ERC1: variants seen among roughly 807,000 people sequenced by gnomAD.
ERC1 encodes the protein ELKS/RAB6-interacting/CAST family member 1.
Under a neutral mutation model 132.0 loss-of-function variants are expected in ERC1, and 56 were observed. The observed-to-expected ratio is 0.42, with a 90% CI of 0.34 to 0.53. The LOEUF (loss-of-function observed/expected upper bound fraction) is 0.53, where lower values mean the gene tolerates loss of function less well. ERC1 is among the 20% of genes least tolerant of loss of function. The pLI, the probability that ERC1 is intolerant of heterozygous loss-of-function variation, is 0.03. For synonymous variants in ERC1, 478 were observed against 476.1 expected, an observed-to-expected ratio of 1.00 and a Z score of -0.05; for missense variants, 1,202 against 1,349.9, an observed-to-expected ratio of 0.89 and a Z score of 1.72.
chr12:1,337,308 C>CT (rs915960104), intron 15 of ERC1, among the ~76,000 whole-genome samples: 1 of 148,574 alleles, frequency 6.7e-6, no homozygotes, highest in African/African-American at 2.5e-5. Context: ...TAATGCTCTT[C>CT]TTTTTCTTTT....
chr12:1,112,398 G>A, intron 6 of ERC1, 100 bp downstream of exon 6: 1 of 809,230 alleles, frequency 1.2e-6, no homozygotes, highest in Non-Finnish European at 2.1e-6. Flanking sequence ...ATTCTCTATG[G>A]TTGGCAGCTT....
chr12:1,049,225 A>G (rs893736357), intron 2 of ERC1, among the ~76,000 whole-genome samples: 13 of 152,246 alleles, frequency 8.5e-5, no homozygotes, highest in African/African-American at 2.9e-4. Flanking sequence ...TTCTGTCCTC[A>G]GAAGTCACTG....
chr12:1,207,972 A>AC (rs893511816), intron 12 of ERC1, among the ~76,000 whole-genome samples: 48 of 151,764 alleles, frequency 3.2e-4, no homozygotes, highest in Admixed American at 2.0e-4. Context: ...TCTGGCACCC[A>AC]CCCCCCCATC....
At chr12:1,238,022 T>G (rs2075541135) in intron 13 of ERC1, among the ~76,000 whole-genome samples, 1 of 152,232 alleles carries the variant, frequency 6.6e-6, no homozygotes, top group Non-Finnish European at 1.5e-5. Context: ...TTTATGTAAC[T>G]TTTACTGATT....
chr12:1,126,970 G>A (rs1367912007), intron 7 of ERC1, among the ~76,000 whole-genome samples: 6 of 121,516 alleles, frequency 4.9e-5, no homozygotes, highest in Non-Finnish European at 1.0e-4. Flanking sequence ...CCTGGCGACA[G>A]AGTGAGATTC....
At position 1,494,549 on chromosome 12, in the gene ERC1, C is replaced by G. The variant is rs1466512682; in HGVS notation, c.*4319C>G. 1 of 231,158 alleles carries G rather than the reference C, an allele frequency of 4.3e-6. No individual in the cohort carries two copies. Among genetic ancestry groups the G allele is most frequent in the Non-Finnish European group, 8.6e-6 (1 of 116,826 alleles). 14.3% of individuals were successfully genotyped at this position (231,158 alleles called of 1,614,324 possible). On this transcript the variant is annotated 3_prime_UTR_variant, in exon 19 of 19. Transcript: ENST00000360905. ...AAACCGTCTCCAGACTTTTTAGTGT[C>G]AAAAATGTAACCAACTGTCTCCTGA...
At chr12:1,222,625 C>A (rs1356082679) in intron 12 of ERC1, among the ~76,000 whole-genome samples, 1 of 152,134 alleles carries the variant, frequency 6.6e-6, no homozygotes, top group East Asian at 1.9e-4. Context: ...TAAGCCCTAG[C>A]TTAAGCTTCT....
intron 3 of ERC1, among the ~76,000 whole-genome samples, chr12:1,103,625 C>A (rs1435985000): frequency 2.0e-5 from 3 of 152,056 alleles, no homozygotes; most frequent in South Asian, 2.1e-4. Context: ...TTCCTGACTG[C>A]GGCTTGAGAG....
Position 994,066 on chromosome 12 carries a change from C to CAAAAAAAAAA in ERC1, c.-157+2764_-157+2773dup, listed in dbSNP as rs72073964. On this transcript the variant is annotated intron_variant, in intron 1 of 18. Coordinates refer to ENST00000360905, the MANE Select transcript of ERC1 (RefSeq NM_178040.4). ...CCTGAGTCACGGCAAAACTCCGTCT[C>CAAAAAAAAAA]AAAAAAAAAAAAAAAAAAAAAAAAA... 1.7e-3 allele frequency among the ~76,000 whole-genome samples: 109 copies of CAAAAAAAAAA among 64,248 alleles called. 2 individuals are homozygous for CAAAAAAAAAA. The highest frequency in any genetic ancestry group is 3.1e-3 in the African/African-American group (62 of 20,240). The allele number at this position is 64,248 out of a possible 152,430, so 42.1% of individuals were successfully genotyped here.
chr12:1,364,333 T>C (rs1027862930), intron 15 of ERC1, among the ~76,000 whole-genome samples: 9 of 152,266 alleles, frequency 5.9e-5, no homozygotes, highest in African/African-American at 1.9e-4. Context: ...TCTAAGACCT[T>C]GCTTTACTTC....
At chr12:1,359,302 C>A (rs1463017097) in intron 15 of ERC1, among the ~76,000 whole-genome samples, 2 of 152,176 alleles carry the variant, frequency 1.3e-5, no homozygotes, top group African/African-American at 4.8e-5. Context: ...GGAGTCACTT[C>A]TACACTCAAC....
intron 17 of ERC1, among the ~76,000 whole-genome samples, chr12:1,440,455 CTTG>C (rs2093099222): frequency 6.6e-6 from 1 of 150,666 alleles, no homozygotes; most frequent in Non-Finnish European, 1.5e-5. Context: ...ATCTGCCCTC[CTTG>C]GCCTCCCAAA....
intron 2 of ERC1, among the ~76,000 whole-genome samples, chr12:1,073,280 A>G (rs112801656): frequency 2.0e-5 from 3 of 151,254 alleles, no homozygotes; most frequent in African/African-American, 7.3e-5. Flanking sequence ...CAGCCTAGCG[A>G]CAGAGCAAGA....
chr12:1,075,119 G>T (rs1941116901), intron 2 of ERC1, among the ~76,000 whole-genome samples: 1 of 151,956 alleles, frequency 6.6e-6, no homozygotes, highest in Non-Finnish European at 1.5e-5. Flanking sequence ...CTCTTCCCCT[G>T]TCTCATTCTC....
intron 15 of ERC1, among the ~76,000 whole-genome samples, chr12:1,348,340 A>C (rs1350927386): frequency 1.3e-5 from 2 of 152,194 alleles, no homozygotes. Context: ...AACTTAGTGA[A>C]CCATACACTG....
In ERC1 at chr12:1,422,820, T is replaced by C. The variant is rs182143058; in HGVS notation, c.3024+14573T>C. Reference sequence around the variant, plus strand: ...CTAATTTACATTGCCACAAACACTGTGTAAGAGTTCCCTTTTCTCCACATC... The same window carrying C: ...CTAATTTACATTGCCACAAACACTGCGTAAGAGTTCCCTTTTCTCCACATC... On this transcript the variant is annotated intron_variant, in intron 17 of 18. Coordinates refer to ENST00000360905, the MANE Select transcript of ERC1 (RefSeq NM_178040.4). 5.0e-3 allele frequency among the ~76,000 whole-genome samples: 755 copies of C among 152,048 alleles called. 9 individuals carry two copies. Among genetic ancestry groups the C allele is most frequent in the African/African-American group, 0.017 (712 of 41,304 alleles).
At position 1,225,218 on chromosome 12, in the gene ERC1, G is replaced by A. The variant is rs925312883; in HGVS notation, c.2352-11551G>A. 6.6e-5 allele frequency among the ~76,000 whole-genome samples: 10 copies of A among 152,094 alleles called. 1 individual carries two copies. The highest frequency in any genetic ancestry group is 1.3e-4 in the Admixed American group (2 of 15,284). On this transcript the variant is annotated intron_variant, in intron 12 of 18. Coordinates refer to ENST00000360905, the MANE Select transcript of ERC1 (RefSeq NM_178040.4). ...TCACACCTGTAATCTCAGCAACTCA[G>A]GAGTCTGAGACGAGAGGATCACTTG... is the stretch of plus-strand genomic sequence containing the variant.
At chr12:1,437,284 T>G (rs1362754250) in intron 17 of ERC1, among the ~76,000 whole-genome samples, 1 of 152,226 alleles carries the variant, frequency 6.6e-6, no homozygotes, top group Non-Finnish European at 1.5e-5. Flanking sequence ...TAATAATAGC[T>G]TCTGTGCCTC....
intron 17 of ERC1, among the ~76,000 whole-genome samples, chr12:1,426,339 A>G (rs1285570731): frequency 6.6e-6 from 1 of 152,126 alleles, no homozygotes; most frequent in Non-Finnish European, 1.5e-5. Context: ...TCCTGACCTC[A>G]GGTGATCCAC....
Sources: gnomAD v4.1 joint callset for allele counts (sites outside exome capture counted in the v4.1 genomes callset) on GRCh38, gnomAD v4.1.1 for gene constraint, MANE v1.5 for transcripts, NCBI Gene and HGNC (gene_info 2026-07-23, HGNC 2026-07-21) for gene names.